The following EYA1 variants were observed in gnomAD, a reference collection of about 807,000 sequenced individuals.
EYA1 encodes EYA transcriptional coactivator and phosphatase 1.
In EYA1, 16 loss-of-function variants were observed where a neutral mutation model predicts 82.0. That is an observed-to-expected ratio of 0.20 (90% CI 0.13 to 0.30). The LOEUF (loss-of-function observed/expected upper bound fraction) is 0.30, where lower values mean the gene tolerates loss of function less well. Ranked by LOEUF, EYA1 falls within the 10% of genes least tolerant of loss-of-function variation. EYA1 has a pLI of 1.00. For missense variants in EYA1, 633 were observed against 730.7 expected (o/e 0.87, Z 1.54); for synonymous variants, 261 against 264.4 (o/e 0.99, Z 0.12).
intron 2 of EYA1, among the ~76,000 whole-genome samples, chr8:71,435,325 G>A (rs578051653): frequency 6.6e-6 from 1 of 152,218 alleles, no homozygotes; most frequent in African/African-American, 2.4e-5. Context: ...TGAACTGTGA[G>A]CTTCTTGAGG....
At chr8:71,381,052 A>G (rs1828673464) in intron 2 of EYA1, among the ~76,000 whole-genome samples, 1 of 152,206 alleles carries the variant, frequency 6.6e-6, no homozygotes, top group Admixed American at 6.5e-5. Flanking sequence ...ACAGTTCACA[A>G]GACCCCATTA....
chr8:71,281,518 T>A (rs2128969500), intron 9 of EYA1, among the ~76,000 whole-genome samples: 1 of 152,372 alleles, frequency 6.6e-6, no homozygotes, highest in African/African-American at 2.4e-5. Context: ...GACTGCTGCT[T>A]GCACTCAGTC....
At chr8:71,243,823 A>G (rs1455554098) in intron 12 of EYA1, among the ~76,000 whole-genome samples, 3 of 152,262 alleles carry the variant, frequency 2.0e-5, no homozygotes, top group African/African-American at 7.2e-5. Context: ...CTCCTGTCTG[A>G]AATAACATAC....
chr8:71,364,939 CATAT>C (rs34890892), upstream of EYA1, among the ~76,000 whole-genome samples: 2,453 of 87,850 alleles, frequency 0.028, 53 homozygotes, highest in African/African-American at 0.042. Context: ...AAGCAAATGT[CATAT>C]ATATATATAT....
chr8:71,336,326 T>C (rs917793122), intron 3 of EYA1, among the ~76,000 whole-genome samples: 22 of 152,212 alleles, frequency 1.4e-4, no homozygotes, highest in African/African-American at 5.1e-4. Flanking sequence ...TTAGGGCTCC[T>C]AGCCTAGTGA....
intron 1 of EYA1, among the ~76,000 whole-genome samples, chr8:71,358,232 A>T (rs573294242): frequency 1.8e-4 from 28 of 152,326 alleles, no homozygotes; most frequent in Non-Finnish European, 3.1e-4. Context: ...TTTCAAAGTC[A>T]AACTGTTGTT....
chr8:71,317,034 G>A (rs1434113309), intron 7 of EYA1, among the ~76,000 whole-genome samples: 4 of 152,180 alleles, frequency 2.6e-5, no homozygotes, highest in African/African-American at 7.2e-5. Context: ...GATTCACTGG[G>A]TGTCTGTAAA....
intron 2 of EYA1, among the ~76,000 whole-genome samples, chr8:71,394,359 C>T (rs1310086910): frequency 6.6e-6 from 1 of 152,056 alleles, no homozygotes; most frequent in Admixed American, 6.6e-5. Context: ...GTCATGAAGC[C>T]CTTGCCCATG....
intron 9 of EYA1, among the ~76,000 whole-genome samples, chr8:71,279,998 G>A (rs1003668917): frequency 1.3e-5 from 2 of 152,182 alleles, no homozygotes; most frequent in African/African-American, 4.8e-5. Flanking sequence ...ACACAGAAAT[G>A]CTTGACAGGC....
chr8:71,382,648 T>G (rs1389737183), intron 2 of EYA1, among the ~76,000 whole-genome samples: 1 of 152,086 alleles, frequency 6.6e-6, no homozygotes, highest in Non-Finnish European at 1.5e-5. Context: ...TAGTAAAGGA[T>G]ATATACACTT....
At chr8:71,269,934 T>C (rs1816313103) in intron 10 of EYA1, 111 bp from the exon 11 acceptor site, 4 of 813,646 alleles carry the variant, frequency 4.9e-6, no homozygotes, top group Non-Finnish European at 8.6e-6. Context: ...ATGAAAAATC[T>C]GAATTTATTA....
At chr8:71,450,525 G>A (rs1270719141) in intron 2 of EYA1, among the ~76,000 whole-genome samples, 1 of 152,130 alleles carries the variant, frequency 6.6e-6, no homozygotes, top group African/African-American at 2.4e-5. Flanking sequence ...TTTACAATCA[G>A]AGATCAAAAA....
intron 3 of EYA1, among the ~76,000 whole-genome samples, chr8:71,336,031 T>C (rs760920594): frequency 4.6e-5 from 7 of 152,002 alleles, no homozygotes; most frequent in Non-Finnish European, 1.0e-4. Flanking sequence ...ACTCTACAAA[T>C]AGTTCTCAGA....
At chr8:71,380,841 C>T (rs904600383) in intron 2 of EYA1, among the ~76,000 whole-genome samples, 3 of 152,198 alleles carry the variant, frequency 2.0e-5, no homozygotes, top group Non-Finnish European at 2.9e-5. Context: ...GTTTCTTCTC[C>T]ACATCCAAAT....
At chr8:71,349,344 G>T (rs1308667156) in intron 3 of EYA1, among the ~76,000 whole-genome samples, 1 of 152,150 alleles carries the variant, frequency 6.6e-6, no homozygotes, top group Non-Finnish European at 1.5e-5. Flanking sequence ...GCACCAATGT[G>T]GCAATGAAAG....
chr8:71,205,980 ATTAAT>A (rs925001602), intron 17 of EYA1, among the ~76,000 whole-genome samples: 2 of 152,216 alleles, frequency 1.3e-5, no homozygotes, highest in African/African-American at 4.8e-5. Flanking sequence ...TTGGTTTGCT[ATTAAT>A]TTATTTAATA....
At chr8:71,521,290 C>A (rs1014890321) in intron 2 of EYA1, among the ~76,000 whole-genome samples, 1 of 152,062 alleles carries the variant, frequency 6.6e-6, no homozygotes, top group Non-Finnish European at 1.5e-5. Context: ...GTCCTCAATA[C>A]CACTCACATT....
intron 11 of EYA1, among the ~76,000 whole-genome samples, chr8:71,248,400 T>C (rs900240913): frequency 6.6e-6 from 1 of 152,234 alleles, no homozygotes; most frequent in Non-Finnish European, 1.5e-5. Flanking sequence ...AGAATCTCTC[T>C]TATGTGCACA....
At chr8:71,316,586 G>C (rs1821956664) in intron 7 of EYA1, among the ~76,000 whole-genome samples, 1 of 152,084 alleles carries the variant, frequency 6.6e-6, no homozygotes, top group African/African-American at 2.4e-5. Flanking sequence ...AAATGTATGA[G>C]ACTTATATTT....
Sources: gnomAD v4.1 joint callset for allele counts (sites outside exome capture counted in the v4.1 genomes callset) on GRCh38, gnomAD v4.1.1 for gene constraint, MANE v1.5 for transcripts, NCBI Gene and HGNC (gene_info 2026-07-23, HGNC 2026-07-21) for gene names.